PXDNL: variants seen among roughly 807,000 people sequenced by gnomAD.
The protein encoded by PXDNL is peroxidasin like, also known as probable oxidoreductase PXDNL.
In PXDNL, 145 loss-of-function variants were observed where a neutral mutation model predicts 150.8. The observed-to-expected ratio is 0.96, with a 90% CI of 0.84 to 1.10. The LOEUF is 1.10. Among genes scored for constraint, PXDNL ranks in the 50% least tolerant of loss-of-function variants. PXDNL has a pLI of 0.00. For synonymous variants in PXDNL, 757 were observed against 725.7 expected (o/e 1.04, Z -0.69); for missense variants, 2,087 against 1,873.9 (o/e 1.11, Z -2.10).
intron 4 of PXDNL, among the ~76,000 whole-genome samples, chr8:51,540,664 G>C (rs1221582056): frequency 6.6e-6 from 1 of 152,060 alleles, no homozygotes; most frequent in African/African-American, 2.4e-5. Flanking sequence ...TACTTATGTG[G>C]TTGAAAAAGT....
At chr8:51,637,430 C>G (rs533111244) in intron 2 of PXDNL, among the ~76,000 whole-genome samples, 1 of 152,064 alleles carries the variant, frequency 6.6e-6, no homozygotes, top group Non-Finnish European at 1.5e-5. Flanking sequence ...TCGAACCCAT[C>G]GCAAAGAAGC....
chr8:51,331,203 C>A (rs11786053), intron 21 of PXDNL, among the ~76,000 whole-genome samples: 6,495 of 152,188 alleles, frequency 0.043, 290 homozygotes, highest in African/African-American at 0.11. Flanking sequence ...GGACACACAC[C>A]CCCACTGGAG....
chr8:51,800,449 G>T (rs886487579), intron 1 of PXDNL, among the ~76,000 whole-genome samples: 3 of 152,086 alleles, frequency 2.0e-5, no homozygotes, highest in African/African-American at 7.2e-5. Flanking sequence ...GGAGTAACAG[G>T]GAGAAGAAAG....
At chr8:51,668,610 G>T (rs186756895) in intron 1 of PXDNL, among the ~76,000 whole-genome samples, 1 of 152,296 alleles carries the variant, frequency 6.6e-6, no homozygotes, top group East Asian at 1.9e-4. Flanking sequence ...GTATATGACT[G>T]CTGGTGCTGT....
chr8:51,566,170 A>G (rs529234291), intron 3 of PXDNL, among the ~76,000 whole-genome samples: 1 of 151,998 alleles, frequency 6.6e-6, no homozygotes, highest in African/African-American at 2.4e-5. Flanking sequence ...CTTTTATACA[A>G]TGTTAGATTT....
intron 4 of PXDNL, among the ~76,000 whole-genome samples, chr8:51,525,414 G>T (rs1274937378): frequency 2.0e-5 from 3 of 152,200 alleles, no homozygotes; most frequent in African/African-American, 7.2e-5. Context: ...ATTACCACGT[G>T]TAACATTTGT....
Position 51,409,280 on chromosome 8 carries a change from G to C in PXDNL, c.2344C>G (p.Leu782Val). Reference protein sequence around the residue: ...GSRQPLPPPRLVATVWARAAA... With the variant: ...GSRQPLPPPRVVATVWARAAA... ...GCGCGCGCCCACACTGTGGCGACCA[G>C]CCGGGGCGGCGGGAGGGGCTGGCGG... The change falls in exon 17 of 23, where the codon CTG becomes GTG. Residue 782 changes from leucine to valine, a missense_variant. By Grantham distance (32) the Leu-to-Val change is conservative. Coordinates refer to ENST00000356297, the MANE Select transcript of PXDNL (RefSeq NM_144651.5). 7.0e-7 allele frequency: 1 copy of C among 1,429,090 alleles called. No individual in the cohort carries two copies. The highest frequency in any genetic ancestry group is 2.8e-5 in the East Asian group (1 of 36,184). 88.5% of individuals were successfully genotyped at this position (1,429,090 alleles called of 1,614,324 possible).
chr8:51,461,937 C>T (rs1810094933), intron 8 of PXDNL, among the ~76,000 whole-genome samples: 1 of 152,110 alleles, frequency 6.6e-6, no homozygotes, highest in African/African-American at 2.4e-5. Flanking sequence ...TCTTAAGCAC[C>T]ATCTACTCAA....
chr8:51,809,164 A>T lies in PXDNL; in HGVS notation c.164+17T>A. 6.2e-7 allele frequency: 1 copy of T among 1,613,222 alleles called. No homozygotes were observed. The highest frequency in any genetic ancestry group is 8.5e-7 in the Non-Finnish European group (1 of 1,179,520). On this transcript the variant is annotated intron_variant, in intron 1 of 22. Transcript: ENST00000356297. ...GCATTGGGGAAGAGGGTTTCTGGGG[A>T]ATTTATGTGAACTTACAGAACTGTG... is the stretch of plus-strand genomic sequence containing the variant.
chr8:51,352,011 G>A (rs1806368054), intron 19 of PXDNL, among the ~76,000 whole-genome samples: 1 of 152,020 alleles, frequency 6.6e-6, no homozygotes, highest in Admixed American at 6.6e-5. Flanking sequence ...TTAGAAGCAG[G>A]TCACAGGTTC....
At chr8:51,348,387 G>A (rs1251997979) in intron 19 of PXDNL, among the ~76,000 whole-genome samples, 2 of 152,160 alleles carry the variant, frequency 1.3e-5, no homozygotes, top group African/African-American at 2.4e-5. Context: ...CACCTGAACA[G>A]AAACAACCCA....
At chr8:51,608,833 T>C in intron 2 of PXDNL, among the ~76,000 whole-genome samples, 1 of 57,866 alleles carries the variant, frequency 1.7e-5, no homozygotes, top group African/African-American at 1.4e-4. Flanking sequence ...CAAGACTCTG[T>C]CTCAAAAAAA....
chr8:51,354,740 T>C (rs1475479527), intron 19 of PXDNL, among the ~76,000 whole-genome samples: 3 of 152,088 alleles, frequency 2.0e-5, no homozygotes, highest in South Asian at 4.1e-4. Flanking sequence ...AATCCTGATA[T>C]AGAAAAATTT....
At chr8:51,770,033 C>T (rs975993768) in intron 1 of PXDNL, among the ~76,000 whole-genome samples, 5 of 152,156 alleles carry the variant, frequency 3.3e-5, no homozygotes, top group South Asian at 2.1e-4. Context: ...AGAGCTATGA[C>T]GCTTGACTAC....
chr8:51,519,131 G>A (rs1811603848), intron 4 of PXDNL, among the ~76,000 whole-genome samples: 2 of 152,110 alleles, frequency 1.3e-5, no homozygotes, highest in South Asian at 4.1e-4. Context: ...AATTGTCATT[G>A]GTAGTTTTAA....
chr8:51,411,504 T>C, intron 15 of PXDNL, 97 bp from the exon 16 acceptor site: 3 of 1,148,228 alleles, frequency 2.6e-6, no homozygotes, highest in Non-Finnish European at 3.5e-6. Context: ...TTCCCAAACA[T>C]TCGAGAAGAA....
At chr8:51,589,503 T>C (rs1484449510) in intron 3 of PXDNL, among the ~76,000 whole-genome samples, 3 of 152,158 alleles carry the variant, frequency 2.0e-5, no homozygotes, top group Non-Finnish European at 2.9e-5. Flanking sequence ...AGAATGTTGA[T>C]AGAAATATGG....
chr8:51,439,224 G>T (rs941887565), intron 12 of PXDNL, among the ~76,000 whole-genome samples: 4 of 151,848 alleles, frequency 2.6e-5, no homozygotes, highest in African/African-American at 7.3e-5. Context: ...AAACAAATCA[G>T]CAAGAAAAAA....
At chr8:51,707,342 A>G (rs1353699878) in intron 1 of PXDNL, among the ~76,000 whole-genome samples, 1 of 152,210 alleles carries the variant, frequency 6.6e-6, no homozygotes, top group African/African-American at 2.4e-5. Context: ...CTATTGAGAC[A>G]TAGTTGATAT....
Sources: gnomAD v4.1 joint callset for allele counts (sites outside exome capture counted in the v4.1 genomes callset) on GRCh38, gnomAD v4.1.1 for gene constraint, MANE v1.5 for transcripts, NCBI Gene and HGNC (gene_info 2026-07-23, HGNC 2026-07-21) for gene names.